INVS: variants seen among roughly 807,000 people sequenced by gnomAD.
INVS encodes the protein inversin, also known as inversion of embryo turning homolog.
A neutral mutation model predicts 108.8 loss-of-function variants in INVS; 86 were observed. The observed-to-expected ratio is 0.79, with a 90% CI of 0.66 to 0.95. The LOEUF is 0.95. Among genes scored for constraint, INVS ranks in the 40% least tolerant of loss-of-function variants. INVS has a pLI of 0.00. For missense variants in INVS, 1,169 were observed against 1,297.4 expected (o/e 0.90, Z 1.52); for synonymous variants, 455 against 473.5 (o/e 0.96, Z 0.51).
At chr9:100,253,923 A>G (rs1832327541) in intron 10 of INVS, among the ~76,000 whole-genome samples, 1 of 152,192 alleles carries the variant, frequency 6.6e-6, no homozygotes, top group South Asian at 2.1e-4. Flanking sequence ...TCCTTTGGGT[A>G]TATGCCCAGT....
chr9:100,208,128 A>C (rs1211248683), intron 3 of INVS, among the ~76,000 whole-genome samples: 1 of 152,208 alleles, frequency 6.6e-6, no homozygotes, highest in Non-Finnish European at 1.5e-5. Context: ...TGCTTCTCTT[A>C]GTTTCAAATA....
chr9:100,264,756 GC>G, intron 10 of INVS, 65 bp from the exon 11 acceptor site: 1 of 1,059,282 alleles, frequency 9.4e-7, no homozygotes, highest in Non-Finnish European at 1.5e-6. Flanking sequence ...TTTTGAATTA[GC>G]ATAAATAACC....
chr9:100,159,758 G>A (rs1331533525), intron 3 of INVS, among the ~76,000 whole-genome samples: 3 of 152,086 alleles, frequency 2.0e-5, no homozygotes, highest in Non-Finnish European at 4.4e-5. Flanking sequence ...TGCTTGAGTA[G>A]TTGGAATTAA....
At chr9:100,154,647 A>T (rs138053589) in intron 3 of INVS, among the ~76,000 whole-genome samples, 2 of 152,084 alleles carry the variant, frequency 1.3e-5, no homozygotes, top group East Asian at 3.8e-4. Flanking sequence ...TTTTATATAT[A>T]ACTATGAAGT....
chr9:100,124,557 A>AT (rs1323294298), intron 2 of INVS, among the ~76,000 whole-genome samples: 63 of 151,354 alleles, frequency 4.2e-4, no homozygotes, highest in African/African-American at 1.4e-3. Flanking sequence ...AAAAAAAAAA[A>AT]AAAAACTAAA....
chr9:100,298,190 C>T (rs1261407886), intron 16 of INVS, 180 bp downstream of exon 16: 2 of 1,510,854 alleles, frequency 1.3e-6, no homozygotes, highest in East Asian at 5.0e-5. Context: ...AAATTATTTT[C>T]ACAACTAAAA....
chr9:100,254,892 C>T (rs1244503399), intron 10 of INVS, among the ~76,000 whole-genome samples: 3 of 152,144 alleles, frequency 2.0e-5, no homozygotes, highest in Non-Finnish European at 4.4e-5. Flanking sequence ...ATTGTCTTGG[C>T]AATGCGGGCT....
intron 3 of INVS, 55 bp from the exon 4 acceptor site, chr9:100,226,007 A>C: frequency 1.5e-6 from 2 of 1,326,552 alleles, no homozygotes; most frequent in Non-Finnish European, 1.1e-6. Flanking sequence ...AAAATTAAAA[A>C]AAATTTTGAC....
At chr9:100,265,024 C>T in intron 11 of INVS, 96 bp downstream of exon 11, 3 of 773,392 alleles carry the variant, frequency 3.9e-6, no homozygotes, top group Admixed American at 2.0e-5. Flanking sequence ...CTCACTGCAA[C>T]CTTCGCCTCC....
rs1273484549 is a variant in INVS, at chr9:100,100,645, T to G, written c.-25+1229T>G. Among the ~76,000 whole-genome samples the G allele has an allele frequency of 1.0e-4, 6 of 58,034 alleles. 1 individual carries two copies. The Admixed American group carries it at 1.8e-3, about 17-fold the overall frequency. 38.1% of individuals were successfully genotyped at this position (58,034 alleles called of 152,430 possible). ...GTATATATAATATATATATTATATATGTATATATAATATATATATTATATA... is the reference window on the plus strand; with the variant it reads ...GTATATATAATATATATATTATATAGGTATATATAATATATATATTATATA... On this transcript the variant is annotated intron_variant, in intron 1 of 16. Coordinates refer to ENST00000262457, the MANE Select transcript of INVS (RefSeq NM_014425.5).
chr9:100,168,362 C>A (rs1453004878), intron 3 of INVS, among the ~76,000 whole-genome samples: 1 of 152,180 alleles, frequency 6.6e-6, no homozygotes, highest in Non-Finnish European at 1.5e-5. Context: ...TGGCAACGAT[C>A]AGCCTGTCAT....
chr9:100,297,253 T>C, intron 15 of INVS, 107 bp downstream of exon 15: 3 of 930,354 alleles, frequency 3.2e-6, no homozygotes, highest in Non-Finnish European at 5.2e-6. Flanking sequence ...TTCAGATAAA[T>C]TAGGTTGGTG....
intron 3 of INVS, among the ~76,000 whole-genome samples, chr9:100,161,382 A>C (rs1309324078): frequency 1.3e-5 from 2 of 150,830 alleles, no homozygotes; most frequent in Non-Finnish European, 3.0e-5. Flanking sequence ...AAAAAAAAAA[A>C]AAAAAAAAAA....
At chr9:100,135,032 A>T (rs1327676806) in intron 3 of INVS, among the ~76,000 whole-genome samples, 1 of 152,216 alleles carries the variant, frequency 6.6e-6, no homozygotes, top group Admixed American at 6.5e-5. Context: ...ACTGAGAAGA[A>T]TATGAATAAG....
chr9:100,157,743 C>G (rs1228641044), intron 3 of INVS, among the ~76,000 whole-genome samples: 1 of 152,140 alleles, frequency 6.6e-6, no homozygotes, highest in Non-Finnish European at 1.5e-5. Flanking sequence ...TCAATGGTGA[C>G]AATTCCTTGC....
chr9:100,193,823 A>G (rs1270811832), intron 3 of INVS, among the ~76,000 whole-genome samples: 1 of 152,206 alleles, frequency 6.6e-6, no homozygotes, highest in African/African-American at 2.4e-5. Flanking sequence ...ATATATTACA[A>G]ATTGTTCTCA....
At chr9:100,189,191 A>C (rs1307187027) in intron 3 of INVS, among the ~76,000 whole-genome samples, 1 of 118,980 alleles carries the variant, frequency 8.4e-6, no homozygotes, top group African/African-American at 3.4e-5. Flanking sequence ...TTTTTGTTTC[A>C]TTGGTTCTTT....
chr9:100,167,169 T>C (rs979024120), intron 3 of INVS, among the ~76,000 whole-genome samples: 4 of 151,828 alleles, frequency 2.6e-5, no homozygotes, highest in African/African-American at 4.8e-5. Flanking sequence ...AGTTGGAGTT[T>C]GCAGTGAGCC....
rs2118782948 is a variant in INVS, at chr9:100,297,155, CCTT to C, written c.3016+12_3016+14del. On this transcript the variant is annotated intron_variant, in intron 15 of 16. Transcript: ENST00000262457. Reference sequence around the variant, plus strand: ...GCTTAAGCAAATCTATGGTAACTGTCCTTCTGCCTACTTTGTAGTTCACAAGTA... The same window carrying C: ...GCTTAAGCAAATCTATGGTAACTGTCCTGCCTACTTTGTAGTTCACAAGTA... 6.2e-7 allele frequency: 1 copy of C among 1,607,800 alleles called. No individual in the cohort carries two copies. The highest frequency in any genetic ancestry group is 1.1e-5 in the South Asian group (1 of 90,860).
Sources: allele counts gnomAD v4.1 joint callset (sites outside exome capture counted in the v4.1 genomes callset), GRCh38; gene constraint gnomAD v4.1.1; transcripts MANE v1.5; gene names NCBI Gene and HGNC (gene_info 2026-07-23, HGNC 2026-07-21).